The following KCNN3 variants were observed in gnomAD, a reference collection of about 807,000 sequenced individuals.
The protein encoded by KCNN3 is potassium calcium-activated channel subfamily N member 3.
In KCNN3, 16 loss-of-function variants were observed where a neutral mutation model predicts 62.9. That is an observed-to-expected ratio of 0.25 (90% confidence interval 0.17 to 0.39). The LOEUF is 0.39. KCNN3 is among the 10% of genes least tolerant of loss of function. The pLI, the probability that KCNN3 is intolerant of heterozygous loss-of-function variation, is 1.00. For synonymous variants in KCNN3, 370 were observed against 389.2 expected (o/e 0.95, Z 0.58); for missense variants, 599 against 949.4 (o/e 0.63, Z 4.85).
At chr1:154,708,397 C>T in intron 7 of KCNN3, 125 bp from the exon 8 acceptor site, 2 of 981,582 alleles carry the variant, frequency 2.0e-6, no homozygotes, top group South Asian at 1.3e-5. Context: ...CTGATCTGGT[C>T]AAGGAAGGAT....
intron 2 of KCNN3, among the ~76,000 whole-genome samples, chr1:154,818,808 C>T (rs1352083696): frequency 6.6e-6 from 1 of 152,216 alleles, no homozygotes; most frequent in Admixed American, 6.5e-5. Context: ...TAGAATTCTT[C>T]TTCCTGAAAA....
At chr1:154,737,429 C>T (rs1253043446) in intron 3 of KCNN3, among the ~76,000 whole-genome samples, 3 of 152,018 alleles carry the variant, frequency 2.0e-5, no homozygotes, top group Non-Finnish European at 4.4e-5. Context: ...TCACTCAAAT[C>T]CCTTACAGCT....
At chr1:154,799,330 T>C (rs1181909616) in intron 2 of KCNN3, among the ~76,000 whole-genome samples, 1 of 152,184 alleles carries the variant, frequency 6.6e-6, no homozygotes, top group Non-Finnish European at 1.5e-5. Flanking sequence ...GCCAAATGGA[T>C]TGGGTCATAC....
intron 2 of KCNN3, among the ~76,000 whole-genome samples, chr1:154,807,691 G>A (rs189184906): frequency 6.6e-6 from 1 of 152,298 alleles, no homozygotes; most frequent in East Asian, 1.9e-4. Flanking sequence ...AAAATCCTAA[G>A]GTTCTTGTGA....
At chr1:154,801,157 C>A (rs896768658) in intron 2 of KCNN3, among the ~76,000 whole-genome samples, 1 of 152,016 alleles carries the variant, frequency 6.6e-6, no homozygotes, top group Admixed American at 6.5e-5. Flanking sequence ...GCCTCACCCC[C>A]AACACAGGAG....
At chr1:154,783,601 G>T (rs114728015) in intron 2 of KCNN3, among the ~76,000 whole-genome samples, 460 of 152,334 alleles carry the variant, frequency 3.0e-3, no homozygotes, top group Non-Finnish European at 5.3e-3. Context: ...GGACAGGCTT[G>T]GGGTGGGGTC....
chr1:154,827,567 G>A (rs1391242109), intron 1 of KCNN3, among the ~76,000 whole-genome samples: 1 of 152,198 alleles, frequency 6.6e-6, no homozygotes, highest in African/African-American at 2.4e-5. Flanking sequence ...GGGAGGCCAA[G>A]GCAGGTGGAT....
At chr1:154,841,962 G>A (rs893891691) in intron 1 of KCNN3, among the ~76,000 whole-genome samples, 5 of 152,342 alleles carry the variant, frequency 3.3e-5, no homozygotes, top group Admixed American at 1.3e-4. Flanking sequence ...AAACGCACGC[G>A]AGAGTGTAGC....
chr1:154,824,188 G>T (rs1651016324), intron 1 of KCNN3, among the ~76,000 whole-genome samples: 1 of 152,074 alleles, frequency 6.6e-6, no homozygotes, highest in Non-Finnish European at 1.5e-5. Flanking sequence ...CATTGCATGG[G>T]GTCGTCCAAC....
intron 1 of KCNN3, among the ~76,000 whole-genome samples, chr1:154,856,001 C>T (rs1274663991): frequency 6.6e-6 from 1 of 152,204 alleles, no homozygotes; most frequent in Non-Finnish European, 1.5e-5. Context: ...CCCATGCTCC[C>T]TCTCCCCGCC....
intron 2 of KCNN3, among the ~76,000 whole-genome samples, chr1:154,782,725 C>T (rs1649102177): frequency 6.6e-6 from 1 of 152,224 alleles, no homozygotes; most frequent in Admixed American, 6.5e-5. Flanking sequence ...ATTTCATTGC[C>T]ATCTCATAAT....
intron 2 of KCNN3, among the ~76,000 whole-genome samples, chr1:154,818,277 T>G (rs1364712096): frequency 6.6e-6 from 1 of 152,126 alleles, no homozygotes; most frequent in Non-Finnish European, 1.5e-5. Flanking sequence ...CCCCTTCTTT[T>G]CCCTGCTCCA....
intron 2 of KCNN3, among the ~76,000 whole-genome samples, chr1:154,797,574 G>A (rs1324042033): frequency 6.6e-6 from 1 of 152,152 alleles, no homozygotes; most frequent in African/African-American, 2.4e-5. Flanking sequence ...GGACTTATTT[G>A]ATTGATTCCT....
At chr1:154,840,908 G>A (rs1283287517) in intron 1 of KCNN3, among the ~76,000 whole-genome samples, 1 of 152,220 alleles carries the variant, frequency 6.6e-6, no homozygotes, top group Non-Finnish European at 1.5e-5. Flanking sequence ...AATCCAGACT[G>A]AGTGTGTGCA....
intron 3 of KCNN3, among the ~76,000 whole-genome samples, chr1:154,750,471 C>T (rs1208249554): frequency 6.6e-6 from 1 of 152,166 alleles, no homozygotes; most frequent in Admixed American, 6.5e-5. Context: ...TCTGGAGATG[C>T]CTTCTCACCT....
chr1:154,726,603 G>A (rs937147837), intron 4 of KCNN3, among the ~76,000 whole-genome samples: 1 of 152,160 alleles, frequency 6.6e-6, no homozygotes, highest in African/African-American at 2.4e-5. Flanking sequence ...GCACGAACAC[G>A]TGCACTCAGT....
chr1:154,780,574 A>G (rs12033817), intron 2 of KCNN3, among the ~76,000 whole-genome samples: 7,538 of 94,216 alleles, frequency 0.08, 404 homozygotes, highest in East Asian at 0.36. Flanking sequence ...AAGATATATT[A>G]TTTATATATA....
chr1:154,784,287 G>A (rs1649183372), intron 2 of KCNN3, among the ~76,000 whole-genome samples: 2 of 152,020 alleles, frequency 1.3e-5, no homozygotes, highest in African/African-American at 4.8e-5. Flanking sequence ...GAACCTTTCC[G>A]TGGCAACCCA....
At chr1:154,770,881 A>AC (rs2101837908) in intron 3 of KCNN3, among the ~76,000 whole-genome samples, 1 of 152,166 alleles carries the variant, frequency 6.6e-6, no homozygotes, top group South Asian at 2.1e-4. Context: ...ACATGGTGAA[A>AC]CCCCATCTCT....
Sources: gnomAD v4.1 joint callset for allele counts (sites outside exome capture counted in the v4.1 genomes callset) on GRCh38, gnomAD v4.1.1 for gene constraint, MANE v1.5 for transcripts, NCBI Gene and HGNC (gene_info 2026-07-23, HGNC 2026-07-21) for gene names.